LIMS2: variants seen among roughly 807,000 people sequenced by gnomAD.
LIMS2 encodes LIM and senescent cell antigen-like-containing domain protein 2.
LIMS2 carries 30 observed loss-of-function variants against 45.3 expected under a neutral mutation model. The observed-to-expected ratio is 0.66, with a 90% CI of 0.50 to 0.90. The LOEUF is 0.90. Ranked by LOEUF, LIMS2 falls within the 40% of genes least tolerant of loss-of-function variation. The probability of loss-of-function intolerance (pLI) is 0.00; values close to 1 mark genes in which losing one functional copy is unlikely to be tolerated. For missense variants in LIMS2, 485 were observed against 468.7 expected (o/e 1.03, Z -0.32); for synonymous variants, 173 against 188.0 (o/e 0.92, Z 0.65).
rs1017450419 is a variant in LIMS2 at position 127,654,869 on chromosome 2, C to T, written c.199G>A (p.Asp67Asn). The T allele has an allele frequency of 8.1e-6, 13 of 1,614,050 alleles. No homozygotes were observed. Among genetic ancestry groups the T allele is most frequent in the South Asian group, 1.1e-5 (1 of 91,086 alleles). Reference protein sequence around the residue: ...EFEGRKYCEHDFQMLFAPCCG... With the variant: ...EFEGRKYCEHNFQMLFAPCCG... Reference sequence around the variant, plus strand: ...CACGGAGCAAACAGCATTTGGAAGTCGTGTTCGCAGTACTTCCGGCCTTCA... The same window carrying T: ...CACGGAGCAAACAGCATTTGGAAGTTGTGTTCGCAGTACTTCCGGCCTTCA... The change falls in exon 3 of 10, where the codon GAC (aspartate) becomes AAC (asparagine). Residue 67 changes from aspartate to asparagine, a missense_variant. Coordinates refer to ENST00000355119, the MANE Select transcript of LIMS2 (RefSeq NM_001161403.3).
At chr2:127,673,637 C>T (rs755238809) in intron 1 of LIMS2, 18 of 1,543,740 alleles carry the variant, frequency 1.2e-5, no homozygotes, top group South Asian at 9.5e-5. Context: ...CTGTTCTCCT[C>T]GACATCCCTC....
chr2:127,656,958 G>A (rs1052176931), intron 2 of LIMS2, among the ~76,000 whole-genome samples: 10 of 152,164 alleles, frequency 6.6e-5, no homozygotes, highest in African/African-American at 1.4e-4. Context: ...GTGCATATGC[G>A]GTGCCCTCTG....
Position 127,651,179 on chromosome 2 carries a change from A to G in LIMS2, c.359+3245T>C, listed in dbSNP as rs771136190. 2.5e-6 allele frequency: 4 copies of G among 1,612,008 alleles called. No individual in the cohort carries two copies. In the Admixed American group the frequency reaches 5.0e-5, roughly 20 times the overall value. On this transcript the variant is annotated intron_variant, in intron 4 of 9. Transcript: ENST00000355119. ...TCAAGCTCCGCAGGCCCCTCTACGC[A>G]CACCTGGCCTGTGCCTTCCTGTGGG...
chr2:127,658,008 A>C (rs958262683), intron 1 of LIMS2, among the ~76,000 whole-genome samples: 37 of 152,192 alleles, frequency 2.4e-4, no homozygotes, highest in African/African-American at 8.4e-4. Flanking sequence ...TCAGTCTTCC[A>C]TGGTTCCATC....
At chr2:127,662,977 A>G (rs774407038) in intron 1 of LIMS2, among the ~76,000 whole-genome samples, 3 of 152,200 alleles carry the variant, frequency 2.0e-5, no homozygotes, top group Admixed American at 6.5e-5. Context: ...CAACTGAAAC[A>G]TGTTACACTA....
At chr2:127,641,215 C>T (rs1262857461) in intron 6 of LIMS2, 20 of 519,058 alleles carry the variant, frequency 3.9e-5, no homozygotes, top group Non-Finnish European at 6.7e-5. Flanking sequence ...TGTGAATGCC[C>T]TGGGGTCAGC....
chr2:127,650,021 C>T (rs138999504), intron 4 of LIMS2: 536 of 1,608,450 alleles, frequency 3.3e-4, no homozygotes, highest in Non-Finnish European at 4.2e-4. Context: ...GATGTCCAAA[C>T]GGAGTTGGTG....
At position 127,664,217 on chromosome 2, in the gene LIMS2, C is replaced by A; in HGVS notation, c.12-6655G>T. On this transcript the variant is annotated intron_variant, in intron 1 of 9. Coordinates refer to ENST00000355119, the MANE Select transcript of LIMS2 (RefSeq NM_001161403.3). The surrounding 1 kb of genome is among the most constrained non-coding windows in gnomAD (Gnocchi z 5.5). ...GGCAGAGCCCACGGCGTCGGAGGGCCCCGGTCGGGTTTCCGAGGGAAGGCC... is the reference window on the plus strand; with the variant it reads ...GGCAGAGCCCACGGCGTCGGAGGGCACCGGTCGGGTTTCCGAGGGAAGGCC... The A allele has an allele frequency of 9.0e-7, 1 of 1,111,472 alleles. No homozygotes were observed. Among genetic ancestry groups the A allele is most frequent in the Non-Finnish European group, 1.1e-6 (1 of 890,130 alleles). The allele number at this position is 1,111,472 out of a possible 1,614,324, so 68.9% of individuals were successfully genotyped here.
At position 127,672,964 on chromosome 2, in the gene LIMS2, C is replaced by T. The variant is rs138494288; in HGVS notation, c.11+2050G>A. Among the ~76,000 whole-genome samples the T allele has an allele frequency of 4.0e-3, 613 of 152,334 alleles. 2 individuals carry two copies. The highest frequency in any genetic ancestry group is 5.6e-3 in the Non-Finnish European group (382 of 68,034). ...CCCGGGATCACATGGGAACAGTGGACGTGGGGAAGGGCACCCAGCATGAAA... is the reference window on the plus strand; with the variant it reads ...CCCGGGATCACATGGGAACAGTGGATGTGGGGAAGGGCACCCAGCATGAAA... On this transcript the variant is annotated intron_variant, in intron 1 of 9. Transcript: ENST00000355119. The surrounding 1 kb of genome is among the most constrained non-coding windows in gnomAD (Gnocchi z 4.9).
In LIMS2 at chr2:127,667,662, CCAA is replaced by C. The variant is rs1185805535; in HGVS notation, c.11+7349_11+7351del. Among the ~76,000 whole-genome samples the C allele has an allele frequency of 6.6e-6, 1 of 152,132 alleles. No homozygotes were observed. Among genetic ancestry groups the C allele is most frequent in the African/African-American group, 2.4e-5 (1 of 41,422 alleles). On this transcript the variant is annotated intron_variant, in intron 1 of 9. Transcript: ENST00000355119. The surrounding 1 kb of genome is among the most constrained non-coding windows in gnomAD (Gnocchi z 4.1). ...CAACATCTTTTCATAATAAAAGCAC[CCAA>C]CAAACTGGGAATAGAAGGGAACTTC... is the stretch of plus-strand genomic sequence containing the variant.
Position 127,654,787 on chromosome 2 carries a change from C to T in LIMS2, c.238+43G>A, listed in dbSNP as rs769283646. The stretch of plus-strand genomic sequence containing the variant: ...CCCCCTGCCCCCCGCCACTGCTGCC[C>T]ACTTCCCAGGCAGCCCAGGATGTGT... On this transcript the variant is annotated intron_variant, in intron 3 of 9. Transcript: ENST00000355119. The T allele has an allele frequency of 3.9e-5, 62 of 1,600,154 alleles. No individual in the cohort carries two copies. In the Admixed American group the frequency reaches 1.0e-3, roughly 26 times the overall value.
chr2:127,648,002 GCCAAGCCTGTCT>G, intron 4 of LIMS2: 1 of 985,430 alleles, frequency 1.0e-6, no homozygotes, highest in Non-Finnish European at 1.2e-6. Flanking sequence ...CAGGGCTTCA[GCCAAGCCTGTCT>G]CCCTCTCCCA....
chr2:127,654,508 T>C lies in LIMS2; in HGVS notation c.275A>G (p.Asn92Ser), dbSNP rs1242982670. The C allele has an allele frequency of 1.2e-6, 2 of 1,614,146 alleles. No individual in the cohort carries two copies. Among genetic ancestry groups the C allele is most frequent in the Non-Finnish European group, 8.5e-7 (1 of 1,180,004 alleles). The change falls in exon 4 of 10, where the codon AAC (asparagine) becomes AGC (serine). Residue 92 changes from asparagine (N) to serine (S), a missense_variant. Asn to Ser is a conservative substitution (Grantham distance 46, BLOSUM62 1). Coordinates refer to ENST00000355119, the MANE Select transcript of LIMS2 (RefSeq NM_001161403.3). The stretch of plus-strand genomic sequence containing the variant: ...GAAGCAGCCCGGGTGCCAGTTGTTG[T>C]TCATGGCCTTGATGACGCGGCCAAT... ...FIIGRVIKAM[N>S]NNWHPGCFRC...
chr2:127,643,047 G>A lies in LIMS2; in HGVS notation c.385C>T (p.Arg129Cys), dbSNP rs145123078. ...TTGCCCAGGCCCTTGGCCTTCTCAC[G>A]GTTGTGGCAAGGCCGGCAGAGATGC... is the stretch of plus-strand genomic sequence containing the variant. Reference protein sequence around the residue: ...GRHLCRPCHNREKAKGLGKYI... With the variant: ...GRHLCRPCHNCEKAKGLGKYI... Residue 129 changes from arginine (R) to cysteine (C), a missense_variant, in exon 5 of 10, where the codon CGT becomes TGT. Physicochemically the swap from Arg to Cys is radical, Grantham distance 180. Transcript: ENST00000355119. 5.1e-3 allele frequency: 8,156 copies of A among 1,585,184 alleles called. 29 individuals are homozygous for A. Among genetic ancestry groups the A allele is most frequent in the African/African-American group, 6.6e-3 (491 of 74,594 alleles).
chr2:127,681,468 CG>C (rs1468205798), exon 1 of LIMS2: 1 of 152,582 alleles, frequency 6.6e-6, no homozygotes, highest in African/African-American at 2.4e-5. Flanking sequence ...CCGGCCACCA[CG>C]GGGCACCCAG....
intron 4 of LIMS2, among the ~76,000 whole-genome samples, chr2:127,649,547 TG>T (rs889459810): frequency 2.0e-4 from 31 of 152,362 alleles, no homozygotes; most frequent in African/African-American, 7.5e-4. Flanking sequence ...TGTCCTGCCC[TG>T]GTTCCGGGCT....
intron 4 of LIMS2, chr2:127,651,758 G>C (rs183852456): frequency 1.9e-6 from 3 of 1,609,812 alleles, no homozygotes; most frequent in African/African-American, 1.3e-5. Context: ...AGCTGTGAGC[G>C]GGGGGCGCCG....
exon 1 of LIMS2, chr2:127,681,643 A>C (rs1435975353): frequency 6.6e-6 from 1 of 152,256 alleles, no homozygotes; most frequent in Non-Finnish European, 1.5e-5. Context: ...CCAGGCCCAC[A>C]AAACAAAAGG....
In LIMS2 at chr2:127,674,761, G is replaced by A. The variant is rs916257924; in HGVS notation, c.11+253C>T. 6.9e-5 allele frequency: 68 copies of A among 985,396 alleles called. No homozygotes were observed. In the African/African-American group the frequency reaches 1.2e-3, roughly 17 times the overall value. 61.0% of individuals were successfully genotyped at this position (985,396 alleles called of 1,614,324 possible). On this transcript the variant is annotated intron_variant, in intron 1 of 9. Transcript: ENST00000355119. Reference sequence around the variant, plus strand: ...GGGCGTCGGTTGTGAGCAGACGGCTGTCCCATCTTGCAGCGGGCGGGTGGG... The same window carrying A: ...GGGCGTCGGTTGTGAGCAGACGGCTATCCCATCTTGCAGCGGGCGGGTGGG...
Sources: gnomAD v4.1 joint callset for allele counts (sites outside exome capture counted in the v4.1 genomes callset) on GRCh38, gnomAD v4.1.1 for gene constraint, Gnocchi (gnomAD v3.1) non-coding constraint, MANE v1.5 for transcripts, NCBI Gene and HGNC (gene_info 2026-07-23, HGNC 2026-07-21) for gene names.